Variants in NAV2 observed in about 807,000 individuals in gnomAD.
NAV2 encodes the protein helicase, APC down-regulated 1.
NAV2 carries 54 observed loss-of-function variants against 223.2 expected under a neutral mutation model. That is an observed-to-expected ratio of 0.24 (90% CI 0.19 to 0.30). The LOEUF (loss-of-function observed/expected upper bound fraction) is 0.30, where lower values mean the gene tolerates loss of function less well. Among genes scored for constraint, NAV2 ranks in the 10% least tolerant of loss-of-function variants. The pLI is 1.00. For missense variants in NAV2, 2,806 were observed against 3,147.5 expected (o/e 0.89, Z 2.60); for synonymous variants, 1,279 against 1,239.3 (o/e 1.03, Z -0.67).
intron 1 of NAV2, among the ~76,000 whole-genome samples, chr11:19,796,559 G>A (rs1035471284): frequency 6.6e-6 from 1 of 152,134 alleles, no homozygotes; most frequent in African/African-American, 2.4e-5. Context: ...TCCCTGACAA[G>A]GTCACACAGC....
At chr11:19,656,209 A>G (rs1473342958) in intron 1 of NAV2, among the ~76,000 whole-genome samples, 8 of 152,226 alleles carry the variant, frequency 5.3e-5, no homozygotes, top group Non-Finnish European at 8.8e-5. Context: ...AGTGGCATGC[A>G]GAGACCACCA....
intron 1 of NAV2, among the ~76,000 whole-genome samples, chr11:19,693,312 T>A (rs551379844): frequency 1.3e-5 from 2 of 152,324 alleles, no homozygotes; most frequent in East Asian, 3.9e-4. Context: ...CCCATTGTCA[T>A]GAGGTTGGGG....
intron 1 of NAV2, among the ~76,000 whole-genome samples, chr11:19,517,499 C>T (rs2043495552): frequency 1.3e-5 from 2 of 152,228 alleles, no homozygotes; most frequent in South Asian, 4.1e-4. Flanking sequence ...CAGTATCATG[C>T]ACCCCAAACT....
At position 19,856,748 on chromosome 11, in the gene NAV2, A is replaced by C. The variant is rs1388427477; in HGVS notation, c.439-12177A>C. ...AGAGAATAGCGGACCCATGGCCTTC[A>C]TTCTAGCCATCATCAGAGTAGGTGA... On this transcript the variant is annotated intron_variant, in intron 3 of 37. Transcript: ENST00000349880. Among the ~76,000 whole-genome samples the C allele has an allele frequency of 3.9e-5, 6 of 151,942 alleles. No homozygotes were observed. In the East Asian group the frequency reaches 9.6e-4, roughly 24 times the overall value.
At chr11:19,681,327 A>G (rs982272895) in intron 1 of NAV2, among the ~76,000 whole-genome samples, 1 of 152,238 alleles carries the variant, frequency 6.6e-6, no homozygotes, top group South Asian at 2.1e-4. Flanking sequence ...CCGCAGTTAT[A>G]AAAGATAGAT....
chr11:19,639,457 G>A (rs1029849415), intron 1 of NAV2, among the ~76,000 whole-genome samples: 4 of 152,178 alleles, frequency 2.6e-5, no homozygotes, highest in African/African-American at 4.8e-5. Flanking sequence ...ATCTAGCACT[G>A]TATATAGAAT....
intron 1 of NAV2, among the ~76,000 whole-genome samples, chr11:19,420,786 G>A (rs1850579124): frequency 6.6e-6 from 1 of 152,206 alleles, no homozygotes. Flanking sequence ...CTTCTAGGAT[G>A]AAGTTGATGT....
intron 1 of NAV2, among the ~76,000 whole-genome samples, chr11:19,727,088 G>A (rs145223330): frequency 1.3e-5 from 2 of 152,288 alleles, no homozygotes; most frequent in East Asian, 3.9e-4. Context: ...TAATTCACCT[G>A]TACACTGGGC....
At chr11:19,672,173 C>T (rs1360730389) in intron 1 of NAV2, among the ~76,000 whole-genome samples, 5 of 152,170 alleles carry the variant, frequency 3.3e-5, no homozygotes, top group South Asian at 2.1e-4. Context: ...GTGGAGTTGC[C>T]GAGCATGCTT....
chr11:19,489,664 T>C (rs901276442), intron 1 of NAV2, among the ~76,000 whole-genome samples: 1 of 152,266 alleles, frequency 6.6e-6, no homozygotes, highest in African/African-American at 2.4e-5. Context: ...GATTCTCAGC[T>C]CTCTCACTGT....
chr11:19,883,189 G>C (rs924390360), intron 5 of NAV2, among the ~76,000 whole-genome samples: 1 of 152,152 alleles, frequency 6.6e-6, no homozygotes, highest in Non-Finnish European at 1.5e-5. Flanking sequence ...AGCACCCCTG[G>C]GGGGTAGCAA....
intron 1 of NAV2, among the ~76,000 whole-genome samples, chr11:19,373,947 GA>G (rs1252128008): frequency 6.6e-6 from 1 of 152,170 alleles, no homozygotes; most frequent in Middle Eastern, 3.2e-3. Flanking sequence ...AGAAAAGGGG[GA>G]AATAGTTTTA....
chr11:20,041,600 A>G (rs2153577857), intron 12 of NAV2, among the ~76,000 whole-genome samples: 1 of 152,336 alleles, frequency 6.6e-6, no homozygotes, highest in South Asian at 2.1e-4. Flanking sequence ...AGAGCATATT[A>G]GAATATGTTA....
intron 34 of NAV2, chr11:20,104,304 T>C (rs1400388952): frequency 1.9e-5 from 3 of 154,728 alleles, no homozygotes; most frequent in Non-Finnish European, 4.3e-5. Context: ...TGCTGCCTGA[T>C]TGACATCACC....
intron 1 of NAV2, among the ~76,000 whole-genome samples, chr11:19,687,286 G>A (rs544210725): frequency 1.3e-5 from 2 of 152,336 alleles, no homozygotes; most frequent in Non-Finnish European, 2.9e-5. Flanking sequence ...AGCCAGAAAA[G>A]AGCTAGAAAT....
At chr11:19,387,260 C>T (rs960343446) in intron 1 of NAV2, among the ~76,000 whole-genome samples, 10 of 152,022 alleles carry the variant, frequency 6.6e-5, no homozygotes, top group Non-Finnish European at 1.3e-4. Flanking sequence ...AGCATGGTGG[C>T]GGGAGGAGGA....
intron 1 of NAV2, among the ~76,000 whole-genome samples, chr11:19,455,656 G>A (rs1851934303): frequency 6.6e-6 from 1 of 152,156 alleles, no homozygotes; most frequent in Non-Finnish European, 1.5e-5. Context: ...CATGACAAGA[G>A]GTAAGTAAAT....
chr11:19,453,279 G>T (rs560129924), intron 1 of NAV2, among the ~76,000 whole-genome samples: 4 of 152,154 alleles, frequency 2.6e-5, no homozygotes, highest in Non-Finnish European at 5.9e-5. Context: ...GATCCCAGCT[G>T]AGTACAAATG....
chr11:19,449,818 C>T (rs577042256), intron 1 of NAV2, among the ~76,000 whole-genome samples: 1 of 152,142 alleles, frequency 6.6e-6, no homozygotes, highest in Admixed American at 6.5e-5. Context: ...CTGTGGACTC[C>T]GGTGACCCCC....
Sources: allele counts gnomAD v4.1 joint callset (sites outside exome capture counted in the v4.1 genomes callset), GRCh38; gene constraint gnomAD v4.1.1; transcripts MANE v1.5; gene names NCBI Gene and HGNC (gene_info 2026-07-23, HGNC 2026-07-21).